Variants in PARD3 observed in about 807,000 individuals in gnomAD.
PARD3 encodes par-3 family cell polarity regulator.
PARD3 carries 75 observed loss-of-function variants against 155.4 expected under a neutral mutation model. The ratio of observed to expected loss-of-function variants is 0.48; its 90% confidence interval spans 0.40 to 0.58. The LOEUF (loss-of-function observed/expected upper bound fraction) is 0.58, where lower values mean the gene tolerates loss of function less well. Among genes scored for constraint, PARD3 ranks in the 20% least tolerant of loss-of-function variants. PARD3 has a pLI of 0.00. For missense variants in PARD3, 1,642 were observed against 1,721.7 expected (o/e 0.95, Z 0.82); for synonymous variants, 576 against 610.5 (o/e 0.94, Z 0.83).
chr10:34,734,493 G>A (rs192609386), intron 1 of PARD3, among the ~76,000 whole-genome samples: 2,075 of 151,980 alleles, frequency 0.014, 55 homozygotes, highest in African/African-American at 0.047. Flanking sequence ...CCGCCACCAT[G>A]CCCGGCTAAT....
intron 1 of PARD3, among the ~76,000 whole-genome samples, chr10:34,702,505 CT>C (rs1344379632): frequency 6.6e-6 from 1 of 152,202 alleles, no homozygotes. Flanking sequence ...CCCCTGGCGG[CT>C]CACTGCAGGC....
chr10:34,438,673 T>C (rs1383333971), intron 5 of PARD3, among the ~76,000 whole-genome samples: 2 of 152,056 alleles, frequency 1.3e-5, no homozygotes, highest in Middle Eastern at 3.4e-3. Context: ...AACAAGACAA[T>C]GCCTGGGCCA....
intron 2 of PARD3, among the ~76,000 whole-genome samples, chr10:34,686,776 T>C (rs1684006264): frequency 6.7e-6 from 1 of 149,454 alleles, no homozygotes; most frequent in Non-Finnish European, 1.5e-5. Context: ...AGGCCGGACA[T>C]GGTGGCTCAC....
chr10:34,408,525 ATC>A (rs1019011904), intron 5 of PARD3, among the ~76,000 whole-genome samples: 2 of 152,194 alleles, frequency 1.3e-5, no homozygotes, highest in Non-Finnish European at 2.9e-5. Flanking sequence ...TCCAAAGGGA[ATC>A]TGTTTCCAAG....
At chr10:34,748,659 C>T (rs368623831) in intron 1 of PARD3, among the ~76,000 whole-genome samples, 2 of 152,004 alleles carry the variant, frequency 1.3e-5, no homozygotes, top group African/African-American at 4.8e-5. Flanking sequence ...CCCCTGCTCC[C>T]ACTCTCTCTA....
intron 22 of PARD3, among the ~76,000 whole-genome samples, chr10:34,168,295 G>A (rs1332795570): frequency 6.6e-6 from 1 of 152,192 alleles, no homozygotes. Flanking sequence ...AAGCCTAGTA[G>A]ATCACTCCCT....
chr10:34,345,190 A>G, intron 15 of PARD3: 1 of 985,098 alleles, frequency 1.0e-6, no homozygotes. Flanking sequence ...ATCAGGACTT[A>G]GTTCCTCATC....
intron 12 of PARD3, 37 bp downstream of exon 12, chr10:34,372,461 C>T: frequency 2.6e-6 from 4 of 1,532,092 alleles, no homozygotes; most frequent in Non-Finnish European, 3.6e-6. Context: ...TGTATCTTTC[C>T]AACATCTCTG....
chr10:34,596,515 AG>A (rs2089276239), intron 2 of PARD3, among the ~76,000 whole-genome samples: 1 of 152,160 alleles, frequency 6.6e-6, no homozygotes, highest in Non-Finnish European at 1.5e-5. Flanking sequence ...AAGTGGGGAA[AG>A]CCCCTTATAA....
At chr10:34,615,049 C>T (rs943285992) in intron 2 of PARD3, among the ~76,000 whole-genome samples, 12 of 151,900 alleles carry the variant, frequency 7.9e-5, no homozygotes, top group Non-Finnish European at 8.8e-5. Context: ...GGCGTTGTGG[C>T]GGGTGCCTGT....
chr10:34,193,485 G>T (rs532427413), intron 22 of PARD3, among the ~76,000 whole-genome samples: 36 of 152,204 alleles, frequency 2.4e-4, no homozygotes, highest in African/African-American at 8.2e-4. Context: ...GATGAAAAAG[G>T]CTCCAAACTT....
At chr10:34,660,707 C>A (rs919444181) in intron 2 of PARD3, among the ~76,000 whole-genome samples, 16 of 152,206 alleles carry the variant, frequency 1.1e-4, no homozygotes, top group Admixed American at 7.9e-4. Context: ...GTAAGTTCAG[C>A]AACCACTAGG....
At position 34,336,217 on chromosome 10, in the gene PARD3, C is replaced by T. The variant is rs1836168739; in HGVS notation, c.2587G>A (p.Val863Met). ...TTCTTACCTGCTTTCTGGTCATCCA[C>T]TGTATTGAGTTTAGTCTCGTCAGCT... ...GIADETKLNT[V>M]DDQKAGSPSR... The change falls in exon 18 of 25, where the codon GTG becomes ATG. Residue 863 changes from valine to methionine, a missense_variant. Physicochemically the swap from Val to Met is conservative, Grantham distance 21 (BLOSUM62 1). Transcript: ENST00000374788. The T allele has an allele frequency of 6.2e-7, 1 of 1,612,626 alleles. No homozygotes were observed. Among genetic ancestry groups the T allele is most frequent in the African/African-American group, 1.3e-5 (1 of 74,978 alleles).
At chr10:34,726,097 C>A (rs2094705114) in intron 1 of PARD3, among the ~76,000 whole-genome samples, 1 of 152,226 alleles carries the variant, frequency 6.6e-6, no homozygotes, top group South Asian at 2.1e-4. Context: ...TGCCATATAA[C>A]TTCCTAAAGC....
intron 22 of PARD3, among the ~76,000 whole-genome samples, chr10:34,141,072 T>C (rs540265859): frequency 2.0e-5 from 3 of 152,348 alleles, no homozygotes; most frequent in East Asian, 3.9e-4. Context: ...ATTTATGATA[T>C]TGCACAAATG....
At chr10:34,581,243 T>TC (rs936580865) in intron 2 of PARD3, among the ~76,000 whole-genome samples, 2 of 139,128 alleles carry the variant, frequency 1.4e-5, no homozygotes, top group African/African-American at 5.5e-5. Context: ...TCTTTTTTTT[T>TC]TTTTTTTTTG....
chr10:34,550,982 A>G (rs910633588), intron 2 of PARD3, among the ~76,000 whole-genome samples: 8 of 152,210 alleles, frequency 5.3e-5, no homozygotes, highest in Non-Finnish European at 1.2e-4. Context: ...TTTTAATGCC[A>G]TAAGTAGTAG....
At chr10:34,612,235 T>C (rs1229211861) in intron 2 of PARD3, among the ~76,000 whole-genome samples, 1 of 152,156 alleles carries the variant, frequency 6.6e-6, no homozygotes, top group Non-Finnish European at 1.5e-5. Context: ...TTTAATTGTA[T>C]GTTTATGCCT....
chr10:34,364,454 G>A (rs1214905631), intron 12 of PARD3, among the ~76,000 whole-genome samples: 1 of 151,576 alleles, frequency 6.6e-6, no homozygotes, highest in Non-Finnish European at 1.5e-5. Flanking sequence ...TTTAAAGACA[G>A]GGTCTTGCTC....
Sources: gnomAD v4.1 joint callset for allele counts (sites outside exome capture counted in the v4.1 genomes callset) on GRCh38, gnomAD v4.1.1 for gene constraint, MANE v1.5 for transcripts, NCBI Gene and HGNC (gene_info 2026-07-23, HGNC 2026-07-21) for gene names.